CEMIP: variants seen among roughly 807,000 people sequenced by gnomAD.
The protein encoded by CEMIP is cell migration inducing hyaluronidase 1.
CEMIP carries 105 observed loss-of-function variants against 156.9 expected under a neutral mutation model. The observed-to-expected ratio is 0.67, with a 90% confidence interval of 0.57 to 0.79. The LOEUF (loss-of-function observed/expected upper bound fraction) is 0.79. Among genes scored for constraint, CEMIP ranks in the 30% least tolerant of loss-of-function variants. The probability of loss-of-function intolerance (pLI) is 0.00; values close to 1 mark genes in which losing one functional copy is unlikely to be tolerated. For synonymous variants in CEMIP, 676 were observed against 668.4 expected (o/e 1.01, Z -0.17); for missense variants, 1,457 against 1,769.4 (o/e 0.82, Z 3.17).
chr15:80,848,900 G>GCACGCA (rs1555430241), intron 1 of CEMIP, among the ~76,000 whole-genome samples: 1 of 134,576 alleles, frequency 7.4e-6, no homozygotes, highest in African/African-American at 3.0e-5. Context: ...GTGTGCGCGT[G>GCACGCA]CACACACACA....
chr15:80,946,600 T>TCAAGGGAA (rs1465929156), intron 28 of CEMIP: 5 of 263,144 alleles, frequency 1.9e-5, no homozygotes, highest in African/African-American at 1.1e-4. Context: ...TTGAGAACAT[T>TCAAGGGAA]CAAGGGAAGA....
At position 80,874,883 on chromosome 15, in the gene CEMIP, A is replaced by T. The variant is rs117180096; in HGVS notation, c.94+910A>T. On this transcript the variant is annotated intron_variant, in intron 3 of 29. Coordinates refer to ENST00000394685, the MANE Select transcript of CEMIP (RefSeq NM_001293298.2). ...ATTGAGTTTGATGCTTTTCTATAAG[A>T]ATAAAGAATCTTACATTGAATTTAT... is the stretch of plus-strand genomic sequence containing the variant. Among the ~76,000 whole-genome samples the T allele has an allele frequency of 4.8e-3, 735 of 152,304 alleles. 3 individuals are homozygous for T. Among genetic ancestry groups the T allele is most frequent in the Middle Eastern group, 0.01 (3 of 294 alleles).
intron 3 of CEMIP, among the ~76,000 whole-genome samples, chr15:80,874,686 A>G (rs1596149297): frequency 1.3e-5 from 2 of 152,196 alleles, no homozygotes; most frequent in Non-Finnish European, 2.9e-5. Flanking sequence ...ATTAACATCT[A>G]GAAGTGTAAG....
rs958299186 is a variant in CEMIP at position 80,936,763 on chromosome 15, G to A, written c.3099G>A (p.Ala1033=). 5 of 1,613,994 alleles carry A rather than the reference G, an allele frequency of 3.1e-6. No homozygotes were observed. In the Admixed American group the frequency reaches 5.0e-5, roughly 16 times the overall value. ...FPSHPLYLEG[A]LTRSTHYQQY... The stretch of plus-strand genomic sequence containing the variant: ...GCCACCCTCTTTACCTGGAGGGGGC[G>A]CTCACCAGGAGCACCCATTACCAGC... Residue 1033 remains alanine, a synonymous_variant, in exon 24 of 30, where the codon GCG becomes GCA. Transcript: ENST00000394685.
At chr15:80,858,551 T>TAAAAAAAAA (rs59305579) in intron 1 of CEMIP, among the ~76,000 whole-genome samples, 10 of 130,506 alleles carry the variant, frequency 7.7e-5, no homozygotes, top group African/African-American at 2.6e-4. Context: ...TGGTCTCTAC[T>TAAAAAAAAA]AAAAAAAAAA....
Position 80,926,488 on chromosome 15 carries a change from G to A in CEMIP, c.2420+733G>A, listed in dbSNP as rs374584641. Among the ~76,000 whole-genome samples the A allele has an allele frequency of 5.0e-4, 76 of 152,226 alleles. 1 individual carries two copies. The highest frequency in any genetic ancestry group is 1.7e-3 in the African/African-American group (69 of 41,542). On this transcript the variant is annotated intron_variant, in intron 19 of 29. Transcript: ENST00000394685. ...CTCTATTTTATTGTGACCAAGTAAA[G>A]GAGAAATAAAGGTGAAAGGGAACAA...
intron 1 of CEMIP, among the ~76,000 whole-genome samples, chr15:80,835,970 T>A (rs1411077153): frequency 1.3e-5 from 2 of 152,122 alleles, no homozygotes; most frequent in African/African-American, 4.8e-5. Flanking sequence ...ATGTTAAGTT[T>A]TTTGGTTGGT....
intron 1 of CEMIP, among the ~76,000 whole-genome samples, chr15:80,805,263 G>A (rs1269864707): frequency 2.0e-5 from 3 of 152,230 alleles, no homozygotes; most frequent in African/African-American, 4.8e-5. Flanking sequence ...TGTGAGTCAG[G>A]TCCGAAGCAA....
chr15:80,914,645 G>A (rs1348898708), intron 14 of CEMIP, among the ~76,000 whole-genome samples: 1 of 152,222 alleles, frequency 6.6e-6, no homozygotes, highest in East Asian at 1.9e-4. Flanking sequence ...TGTGGGAGAA[G>A]CTTCCGCTTT....
chr15:80,891,437 C>G (rs1367600167), intron 10 of CEMIP, among the ~76,000 whole-genome samples: 1 of 152,208 alleles, frequency 6.6e-6, no homozygotes, highest in Admixed American at 6.5e-5. Flanking sequence ...TGCCATATTG[C>G]AAGACCTAGT....
chr15:80,842,790 A>G (rs1316240053), intron 1 of CEMIP, among the ~76,000 whole-genome samples: 3 of 152,128 alleles, frequency 2.0e-5, no homozygotes, highest in African/African-American at 7.2e-5. Context: ...TGCAGAAGAC[A>G]TCTGGGAGAT....
At chr15:80,897,416 C>A (rs551011802) in intron 12 of CEMIP, 3 of 449,936 alleles carry the variant, frequency 6.7e-6, no homozygotes, top group African/African-American at 6.0e-5. Context: ...ATGGGGGAGG[C>A]GGACCTAGAG....
intron 28 of CEMIP, 59 bp from the exon 29 acceptor site, chr15:80,946,906 A>C: frequency 1.7e-6 from 2 of 1,174,640 alleles, no homozygotes. Flanking sequence ...ATCCCTCCCC[A>C]TGCCCACTTT....
intron 13 of CEMIP, among the ~76,000 whole-genome samples, chr15:80,908,893 T>C (rs1436076859): frequency 6.6e-6 from 1 of 152,228 alleles, no homozygotes; most frequent in African/African-American, 2.4e-5. Flanking sequence ...ATGTCCTCTG[T>C]CATTAGCAGT....
chr15:80,809,584 G>A lies in CEMIP; in HGVS notation c.-176+29970G>A, dbSNP rs573756002. On this transcript the variant is annotated intron_variant, in intron 1 of 29. Transcript: ENST00000394685. ...CAAGTTGTTAGTTCACAGTCCTGTG[G>A]ATAGGAAGCATGGTGCAGAGTGACA... Among the ~76,000 whole-genome samples, 3 of 152,278 alleles carry A rather than the reference G, an allele frequency of 2.0e-5. No homozygotes were observed. The East Asian group carries it at 5.8e-4, about 29-fold the overall frequency.
intron 17 of CEMIP, 27 bp from the exon 18 acceptor site, chr15:80,924,594 G>A (rs568500606): frequency 6.2e-7 from 1 of 1,603,596 alleles, no homozygotes; most frequent in Non-Finnish European, 8.5e-7. Flanking sequence ...AGAAACTAAT[G>A]TGTCCCTGAA....
intron 1 of CEMIP, among the ~76,000 whole-genome samples, chr15:80,782,988 GA>G (rs1378377346): frequency 3.3e-5 from 5 of 152,228 alleles, no homozygotes; most frequent in African/African-American, 9.6e-5. Flanking sequence ...TAAAGTGGTA[GA>G]AACGAGCTCT....
intron 17 of CEMIP, among the ~76,000 whole-genome samples, chr15:80,922,872 C>G (rs1900525880): frequency 6.6e-6 from 1 of 152,170 alleles, no homozygotes; most frequent in African/African-American, 2.4e-5. Context: ...CAGAGACGCT[C>G]TTTGTTGGGG....
intron 1 of CEMIP, among the ~76,000 whole-genome samples, chr15:80,780,940 C>T (rs1238110797): frequency 6.6e-6 from 1 of 152,180 alleles, no homozygotes; most frequent in Admixed American, 6.5e-5. Flanking sequence ...ACTCAGGAGG[C>T]AGCCCAGCCC....
Sources: gnomAD v4.1 joint callset for allele counts (sites outside exome capture counted in the v4.1 genomes callset) on GRCh38, gnomAD v4.1.1 for gene constraint, MANE v1.5 for transcripts, NCBI Gene and HGNC (gene_info 2026-07-23, HGNC 2026-07-21) for gene names.